Variants in ASIC2 observed in about 807,000 individuals in gnomAD.
ASIC2 encodes the protein acid-sensing ion channel 2.
A neutral mutation model predicts 57.3 loss-of-function variants in ASIC2; 25 were observed. The observed-to-expected ratio is 0.44, with a 90% CI of 0.32 to 0.61. The LOEUF (loss-of-function observed/expected upper bound fraction) is 0.61. ASIC2 is among the 20% of genes least tolerant of loss of function. ASIC2 has a pLI of 0.06. For missense variants in ASIC2, 641 were observed against 738.1 expected, an observed-to-expected ratio of 0.87 and a Z score of 1.52; for synonymous variants, 319 against 307.5, an observed-to-expected ratio of 1.04 and a Z score of -0.39.
intron 1 of ASIC2, among the ~76,000 whole-genome samples, chr17:34,095,896 C>T (rs1204372288): frequency 6.6e-6 from 1 of 151,602 alleles, no homozygotes; most frequent in Non-Finnish European, 1.5e-5. Flanking sequence ...TACTAGGTTC[C>T]TTGCCTATAT....
intron 1 of ASIC2, among the ~76,000 whole-genome samples, chr17:33,371,214 G>A (rs1437533073): frequency 6.6e-6 from 1 of 152,204 alleles, no homozygotes; most frequent in African/African-American, 2.4e-5. Flanking sequence ...TTTAGTAAAT[G>A]TTATGAATCT....
intron 1 of ASIC2, among the ~76,000 whole-genome samples, chr17:33,347,702 G>T (rs1186326673): frequency 2.0e-5 from 3 of 152,134 alleles, no homozygotes; most frequent in South Asian, 2.1e-4. Context: ...ATATGAAGTT[G>T]TCATCAGAGC....
chr17:33,765,362 C>G (rs565799558), intron 1 of ASIC2, among the ~76,000 whole-genome samples: 11 of 152,168 alleles, frequency 7.2e-5, no homozygotes, highest in Non-Finnish European at 1.3e-4. Context: ...CCCGCCTCGG[C>G]CTCCCAAAGT....
At chr17:33,386,199 C>G (rs1394064722) in intron 1 of ASIC2, among the ~76,000 whole-genome samples, 1 of 152,158 alleles carries the variant, frequency 6.6e-6, no homozygotes. Flanking sequence ...GCTTCAACAG[C>G]CAAGTCTAGG....
At chr17:34,044,110 A>ACACACACACACG (rs1285897372) in intron 1 of ASIC2, among the ~76,000 whole-genome samples, 2 of 92,990 alleles carry the variant, frequency 2.2e-5, no homozygotes, top group African/African-American at 1.3e-4. Flanking sequence ...TCACACACAC[A>ACACACACACACG]CACACACACA....
chr17:33,290,767 A>C (rs1272739197), intron 1 of ASIC2: 1 of 152,148 alleles, frequency 6.6e-6, no homozygotes, highest in Non-Finnish European at 1.5e-5. Context: ...GCATTTTGAA[A>C]AAGTAGCCAA....
chr17:33,205,205 G>A (rs536302491), intron 1 of ASIC2, among the ~76,000 whole-genome samples: 2 of 152,318 alleles, frequency 1.3e-5, no homozygotes, highest in East Asian at 1.9e-4. Flanking sequence ...CAGGCCAGAT[G>A]CTTGGCTGGG....
intron 1 of ASIC2, among the ~76,000 whole-genome samples, chr17:33,769,305 C>T (rs755609514): frequency 3.9e-5 from 6 of 152,224 alleles, no homozygotes; most frequent in Admixed American, 1.3e-4. Flanking sequence ...TGCATTCATG[C>T]AGTGTTGGCC....
At chr17:33,766,476 A>G (rs1385424170) in intron 1 of ASIC2, among the ~76,000 whole-genome samples, 1 of 152,128 alleles carries the variant, frequency 6.6e-6, no homozygotes, top group Non-Finnish European at 1.5e-5. Context: ...CCTCCATATA[A>G]TCCAGGAACA....
chr17:33,084,694 G>C (rs770508857), intron 3 of ASIC2, among the ~76,000 whole-genome samples: 1 of 152,190 alleles, frequency 6.6e-6, no homozygotes, highest in Non-Finnish European at 1.5e-5. Context: ...GTGCTCCATT[G>C]ATAGGAACTG....
chr17:33,924,082 A>T (rs113065651), intron 1 of ASIC2, among the ~76,000 whole-genome samples: 42 of 152,224 alleles, frequency 2.8e-4, no homozygotes, highest in Non-Finnish European at 1.0e-4. Flanking sequence ...CTGCTGAAAC[A>T]TCTAAGTTTC....
intron 1 of ASIC2, among the ~76,000 whole-genome samples, chr17:34,067,019 C>T (rs193140489): frequency 1.2e-3 from 183 of 152,356 alleles, no homozygotes; most frequent in African/African-American, 4.2e-3. Flanking sequence ...AACACTGCTG[C>T]CCTCAGGCAG....
intron 1 of ASIC2, among the ~76,000 whole-genome samples, chr17:33,284,816 T>A (rs974278129): frequency 3.9e-5 from 6 of 152,210 alleles, no homozygotes; most frequent in Non-Finnish European, 8.8e-5. Flanking sequence ...ATGTGACTGT[T>A]TATGTAACAG....
At chr17:33,400,637 G>A (rs1004372607) in intron 1 of ASIC2, among the ~76,000 whole-genome samples, 1 of 152,144 alleles carries the variant, frequency 6.6e-6, no homozygotes, top group Non-Finnish European at 1.5e-5. Context: ...TTAGAACCAT[G>A]CAAGCAGCAT....
intron 1 of ASIC2, among the ~76,000 whole-genome samples, chr17:33,233,874 C>T (rs570855484): frequency 3.9e-5 from 6 of 152,220 alleles, no homozygotes; most frequent in African/African-American, 7.2e-5. Context: ...CCGGTGCACA[C>T]GCTTACCAAG....
At chr17:33,662,811 A>G (rs280041) in intron 1 of ASIC2, among the ~76,000 whole-genome samples, 42,570 of 143,900 alleles carry the variant, frequency 0.3, 6,148 homozygotes, top group Admixed American at 0.38. Flanking sequence ...AAGGGTAATT[A>G]CAAGAATATG....
intron 1 of ASIC2, among the ~76,000 whole-genome samples, chr17:33,433,476 C>A (rs1035393982): frequency 6.6e-6 from 1 of 152,178 alleles, no homozygotes; most frequent in African/African-American, 2.4e-5. Context: ...TGATGACCGG[C>A]CAGGCACAGT....
At chr17:34,019,098 CG>C (rs1405294233) in intron 1 of ASIC2, among the ~76,000 whole-genome samples, 2 of 151,868 alleles carry the variant, frequency 1.3e-5, no homozygotes, top group Admixed American at 6.6e-5. Flanking sequence ...TTAGTAGAGA[CG>C]GGGTTTCGCT....
intron 1 of ASIC2, among the ~76,000 whole-genome samples, chr17:34,067,361 T>C (rs1909210078): frequency 6.6e-6 from 1 of 152,166 alleles, no homozygotes; most frequent in African/African-American, 2.4e-5. Context: ...CTTGCTGAAA[T>C]TTAAAGGAAA....
Sources: gnomAD v4.1 joint callset for allele counts (sites outside exome capture counted in the v4.1 genomes callset) on GRCh38, gnomAD v4.1.1 for gene constraint, MANE v1.5 for transcripts, NCBI Gene and HGNC (gene_info 2026-07-23, HGNC 2026-07-21) for gene names.